The following LARS2 variants were observed in gnomAD, a reference collection of about 807,000 sequenced individuals.
LARS2 encodes leucyl-tRNA synthetase 2, mitochondrial, also known as leucine--tRNA ligase, mitochondrial.
LARS2 carries 81 observed loss-of-function variants against 116.6 expected under a neutral mutation model. The ratio of observed to expected loss-of-function variants is 0.69; its 90% confidence interval spans 0.58 to 0.84. LARS2 has a LOEUF of 0.84. Ranked by LOEUF, LARS2 falls within the 40% of genes least tolerant of loss-of-function variation. The probability of loss-of-function intolerance (pLI) is 0.00; values close to 1 mark genes in which losing one functional copy is unlikely to be tolerated. For synonymous variants in LARS2, 396 were observed against 407.2 expected, an observed-to-expected ratio of 0.97 and a Z score of 0.33; for missense variants, 968 against 1,114.5, an observed-to-expected ratio of 0.87 and a Z score of 1.87.
chr3:45,504,452 A>G (rs1021501680), intron 15 of LARS2, among the ~76,000 whole-genome samples: 6 of 152,050 alleles, frequency 3.9e-5, no homozygotes, highest in African/African-American at 1.4e-4. Flanking sequence ...ACAGAAAATT[A>G]ATTTAGGGTC....
intron 6 of LARS2, among the ~76,000 whole-genome samples, chr3:45,433,735 TTTC>T: frequency 6.6e-6 from 1 of 152,326 alleles, no homozygotes. Flanking sequence ...TTTTATTATT[TTTC>T]TTCTGCATAG....
chr3:45,536,234 G>A (rs375643753), intron 20 of LARS2, among the ~76,000 whole-genome samples: 4 of 152,118 alleles, frequency 2.6e-5, no homozygotes, highest in East Asian at 3.9e-4. Flanking sequence ...TGATCCTCCC[G>A]CCTCAGCCTC....
chr3:45,440,576 T>TTTTTG (rs71301232), intron 6 of LARS2, among the ~76,000 whole-genome samples: 22,365 of 151,850 alleles, frequency 0.15, 1,757 homozygotes, highest in Middle Eastern at 0.21. Flanking sequence ...TGCCTCGGGT[T>TTTTTG]TTTTGTTTTG....
chr3:45,421,221 GAA>G (rs1698508234), intron 6 of LARS2: 1 of 152,110 alleles, frequency 6.6e-6, no homozygotes, highest in Non-Finnish European at 1.5e-5. Context: ...TCTGAAAACT[GAA>G]AGTTTTTTCA....
chr3:45,500,408 G>A (rs1365821557), intron 14 of LARS2, 34 bp from the exon 15 acceptor site: 1 of 1,593,662 alleles, frequency 6.3e-7, no homozygotes, highest in Admixed American at 1.8e-5. Flanking sequence ...TGGCAAAGCA[G>A]GTTTTTAAAA....
Position 45,419,729 on chromosome 3 carries a change from G to T in LARS2, c.516G>T (p.Arg172Ser), listed in dbSNP as rs1323829707. 2.5e-6 allele frequency: 4 copies of T among 1,612,150 alleles called. No homozygotes were observed. The highest frequency in any genetic ancestry group is 3.4e-6 in the Non-Finnish European group (4 of 1,178,402). The change falls in exon 6 of 22, where the codon AGG (arginine) becomes AGT (serine). Residue 172 changes from arginine (R) to serine (S), a missense_variant and splice_region_variant. Physicochemically the swap from Arg to Ser is moderately radical, Grantham distance 110 (BLOSUM62 -1). Transcript: ENST00000645846. ...TGGGCCTGTGTTTCAGCTGGGATAG[G>T]GTAAGTCAACTCTTTTTCCTGAAAG... ...DRLGLCFSWD[R>S]EITTCLPDYY...
intron 6 of LARS2, among the ~76,000 whole-genome samples, chr3:45,435,093 G>C (rs547030928): frequency 6.6e-6 from 1 of 152,256 alleles, no homozygotes; most frequent in East Asian, 1.9e-4. Context: ...ATAATATAAG[G>C]GCTGTTTGTT....
At chr3:45,530,571 C>G (rs1178948154) in intron 20 of LARS2, among the ~76,000 whole-genome samples, 1 of 152,176 alleles carries the variant, frequency 6.6e-6, no homozygotes, top group Admixed American at 6.5e-5. Flanking sequence ...GTGTGTCTAA[C>G]ATTTCACTCC....
intron 6 of LARS2, among the ~76,000 whole-genome samples, chr3:45,429,199 C>T (rs926611495): frequency 6.6e-6 from 1 of 152,174 alleles, no homozygotes; most frequent in Non-Finnish European, 1.5e-5. Context: ...CTGACAGTTT[C>T]TGTAGGTCAG....
Position 45,524,098 on chromosome 3 carries a change from G to A in LARS2, c.2394G>A (p.Glu798=). The A allele has an allele frequency of 6.2e-7, 1 of 1,608,658 alleles. No homozygotes were observed. Among genetic ancestry groups the A allele is most frequent in the South Asian group, 1.1e-5 (1 of 90,994 alleles). Residue 798 remains glutamate, a synonymous_variant, in exon 20 of 22, where the codon GAG becomes GAA. Coordinates refer to ENST00000645846, the MANE Select transcript of LARS2 (RefSeq NM_015340.4). The part of the protein sequence containing the change: ...AAPLAPHVTS[E]IWAGLALVPR... ...CACTGGCCCCTCATGTAACCTCAGA[G>A]ATCTGGGCAGGTACGTGGCAGAGTC...
intron 8 of LARS2, among the ~76,000 whole-genome samples, chr3:45,461,757 C>T (rs1699330290): frequency 6.6e-6 from 1 of 152,076 alleles, no homozygotes; most frequent in African/African-American, 2.4e-5. Context: ...ATCCATAGAG[C>T]TTGGTAATAA....
chr3:45,530,632 C>T (rs994358488), intron 20 of LARS2, among the ~76,000 whole-genome samples: 3 of 152,228 alleles, frequency 2.0e-5, no homozygotes, highest in African/African-American at 7.2e-5. Context: ...GTTCTCACTT[C>T]ATATTATTTC....
At chr3:45,432,294 TAAAC>T (rs1698730657) in intron 6 of LARS2, among the ~76,000 whole-genome samples, 1 of 151,972 alleles carries the variant, frequency 6.6e-6, no homozygotes, top group African/African-American at 2.4e-5. Flanking sequence ...AAAAATGTAA[TAAAC>T]AAACTAGGTC....
At chr3:45,528,072 C>T (rs1355277946) in intron 20 of LARS2, among the ~76,000 whole-genome samples, 1 of 152,222 alleles carries the variant, frequency 6.6e-6, no homozygotes, top group Non-Finnish European at 1.5e-5. Context: ...TGCAGTGGCT[C>T]ACGCTTGTAA....
intron 9 of LARS2, among the ~76,000 whole-genome samples, chr3:45,474,843 G>A (rs1183456013): frequency 6.6e-6 from 1 of 152,086 alleles, no homozygotes; most frequent in Non-Finnish European, 1.5e-5. Context: ...TCTCAAAGGG[G>A]TTCATGTCAC....
At chr3:45,429,876 A>AT (rs199665765) in intron 6 of LARS2, among the ~76,000 whole-genome samples, 2,974 of 146,944 alleles carry the variant, frequency 0.02, 66 homozygotes, top group African/African-American at 0.066. Flanking sequence ...TGATTTTTGT[A>AT]TTTTTTTTGG....
intron 10 of LARS2, among the ~76,000 whole-genome samples, chr3:45,479,592 AAG>A (rs1699664538): frequency 6.6e-6 from 1 of 152,152 alleles, no homozygotes; most frequent in South Asian, 2.1e-4. Context: ...AGATTCCTTT[AAG>A]AGAGGAAAAA....
chr3:45,478,194 C>T (rs965750406), intron 10 of LARS2, among the ~76,000 whole-genome samples: 1 of 152,144 alleles, frequency 6.6e-6, no homozygotes, highest in African/African-American at 2.4e-5. Context: ...TATTTTCTTT[C>T]CTTGCTCAAA....
In LARS2 at chr3:45,486,839, TTTTG is replaced by T. The variant is rs761689904; in HGVS notation, c.1123+1060_1123+1063del. ...TATTGATGTGGCTTTTGGGGGAGTT[TTTTG>T]TTTGTTTGTTTGTTTGATATTTTGA... On this transcript the variant is annotated intron_variant, in intron 11 of 21. Coordinates refer to ENST00000645846, the MANE Select transcript of LARS2 (RefSeq NM_015340.4). 2.1e-3 allele frequency among the ~76,000 whole-genome samples: 315 copies of T among 152,224 alleles called. 3 individuals carry two copies. Among genetic ancestry groups the T allele is most frequent in the African/African-American group, 7.4e-3 (307 of 41,530 alleles).
Sources: allele counts gnomAD v4.1 joint callset (sites outside exome capture counted in the v4.1 genomes callset), GRCh38; gene constraint gnomAD v4.1.1; transcripts MANE v1.5; gene names NCBI Gene and HGNC (gene_info 2026-07-23, HGNC 2026-07-21).